RGS6: variants seen among roughly 807,000 people sequenced by gnomAD.
RGS6 encodes the protein regulator of G protein signaling 6, also known as regulator of G-protein signaling 6.
A neutral mutation model predicts 78.5 loss-of-function variants in RGS6; 30 were observed. The ratio of observed to expected loss-of-function variants is 0.38; its 90% CI spans 0.29 to 0.52. The LOEUF is 0.52. Among genes scored for constraint, RGS6 ranks in the 20% least tolerant of loss-of-function variants. RGS6 has a pLI of 0.85. For missense variants in RGS6, 495 were observed against 609.7 expected, an observed-to-expected ratio of 0.81 and a Z score of 1.98; for synonymous variants, 206 against 206.0, an observed-to-expected ratio of 1.00 and a Z score of 0.00.
chr14:72,228,254 G>A (rs879330818), intron 2 of RGS6, among the ~76,000 whole-genome samples: 15 of 151,936 alleles, frequency 9.9e-5, no homozygotes, highest in Non-Finnish European at 1.9e-4. Flanking sequence ...TGTGGCGGGC[G>A]CCTGTAGTCC....
intron 15 of RGS6, among the ~76,000 whole-genome samples, chr14:72,532,779 AC>A (rs1460997317): frequency 2.0e-5 from 3 of 152,262 alleles, no homozygotes; most frequent in Non-Finnish European, 4.4e-5. Flanking sequence ...GCAAGGACCT[AC>A]CTTGCTTCAA....
chr14:71,900,103 T>G, the RGS6 span, among the ~76,000 whole-genome samples: 1 of 152,220 alleles, frequency 6.6e-6, no homozygotes, highest in Non-Finnish European at 1.5e-5. Context: ...GTTTGCTGCC[T>G]CTGCTTACAC....
chr14:72,207,574 C>A (rs1410935840), intron 2 of RGS6, among the ~76,000 whole-genome samples: 1 of 152,200 alleles, frequency 6.6e-6, no homozygotes, highest in African/African-American at 2.4e-5. Context: ...CCCTCACTTT[C>A]CAGTTCATGT....
At chr14:72,539,311 G>A (rs2097290528) in intron 16 of RGS6, among the ~76,000 whole-genome samples, 2 of 152,122 alleles carry the variant, frequency 1.3e-5, no homozygotes, top group African/African-American at 4.8e-5. Flanking sequence ...CTTGGCAGGT[G>A]TTATGTCACC....
intron 1 of RGS6, among the ~76,000 whole-genome samples, chr14:71,956,386 A>C (rs907165130): frequency 5.3e-5 from 8 of 151,410 alleles, no homozygotes; most frequent in Middle Eastern, 3.2e-3. Context: ...ATACAATAGT[A>C]TATATATAAC....
At chr14:72,014,484 G>T (rs193226756) in intron 2 of RGS6, among the ~76,000 whole-genome samples, 28 of 152,352 alleles carry the variant, frequency 1.8e-4, no homozygotes, top group Non-Finnish European at 3.2e-4. Flanking sequence ...TTTGGAAAGA[G>T]TGAAGAGTCA....
At chr14:72,580,176 A>G in the RGS6 span, among the ~76,000 whole-genome samples, 2 of 152,086 alleles carry the variant, frequency 1.3e-5, no homozygotes, top group South Asian at 4.1e-4. Flanking sequence ...GACAGACGCA[A>G]ATTCCTCTCT....
chr14:72,391,520 A>T (rs2089984417), intron 3 of RGS6, among the ~76,000 whole-genome samples: 1 of 152,206 alleles, frequency 6.6e-6, no homozygotes, highest in South Asian at 2.1e-4. Context: ...TCCAAGCCTT[A>T]AATTCCTTTA....
chr14:72,430,872 TG>T (rs1215100849), intron 3 of RGS6, among the ~76,000 whole-genome samples: 1 of 152,198 alleles, frequency 6.6e-6, no homozygotes, highest in Non-Finnish European at 1.5e-5. Context: ...AGCTGGTGTC[TG>T]TGGTCTGCAG....
At chr14:72,382,981 G>A (rs2086596219) in intron 3 of RGS6, among the ~76,000 whole-genome samples, 5 of 151,734 alleles carry the variant, frequency 3.3e-5, no homozygotes, top group Admixed American at 2.6e-4. Context: ...TAGGTGTGGA[G>A]GTACTCGGTA....
intron 17 of RGS6, chr14:72,550,686 G>A: frequency 6.9e-7 from 1 of 1,454,794 alleles, no homozygotes; most frequent in Non-Finnish European, 9.1e-7. Flanking sequence ...ACTAGCCTTT[G>A]TGAGTCATCA....
intron 2 of RGS6, among the ~76,000 whole-genome samples, chr14:72,052,929 CTTTCTT>C: frequency 4.2e-5 from 1 of 23,748 alleles, no homozygotes; most frequent in South Asian, 2.2e-3. Flanking sequence ...TTGTATTTTT[CTTTCTT>C]TCTTTCTTTC....
intron 2 of RGS6, among the ~76,000 whole-genome samples, chr14:72,278,196 T>A (rs902688095): frequency 6.6e-6 from 1 of 152,234 alleles, no homozygotes; most frequent in Non-Finnish European, 1.5e-5. Context: ...ACATGTATTA[T>A]GAATCTCTGA....
At chr14:72,559,692 C>G (rs193106588) in intron 17 of RGS6, among the ~76,000 whole-genome samples, 1 of 152,312 alleles carries the variant, frequency 6.6e-6, no homozygotes, top group East Asian at 1.9e-4. Flanking sequence ...CTGCACCATC[C>G]TACCCTGAAA....
intron 3 of RGS6, among the ~76,000 whole-genome samples, chr14:72,363,073 G>C (rs1312616536): frequency 6.6e-6 from 1 of 152,194 alleles, no homozygotes; most frequent in Non-Finnish European, 1.5e-5. Context: ...TGGCAGAACA[G>C]CCACAGGAAT....
At chr14:72,041,792 G>T (rs888705339) in intron 2 of RGS6, among the ~76,000 whole-genome samples, 6 of 152,108 alleles carry the variant, frequency 3.9e-5, no homozygotes, top group African/African-American at 7.2e-5. Flanking sequence ...GTAAGTCTGT[G>T]GGGGGTGGGC....
intron 12 of RGS6, among the ~76,000 whole-genome samples, chr14:72,484,546 G>A (rs1015642234): frequency 7.2e-5 from 11 of 151,978 alleles, no homozygotes; most frequent in African/African-American, 2.7e-4. Context: ...TTGGTGGGGG[G>A]CGGTCACATC....
At chr14:72,065,362 C>T (rs2094093713) in intron 2 of RGS6, among the ~76,000 whole-genome samples, 1 of 152,194 alleles carries the variant, frequency 6.6e-6, no homozygotes, top group Non-Finnish European at 1.5e-5. Flanking sequence ...TATCCCAAAA[C>T]TATAGGCAAC....
intron 2 of RGS6, among the ~76,000 whole-genome samples, chr14:72,147,233 T>A (rs1388273749): frequency 6.6e-6 from 1 of 152,250 alleles, no homozygotes; most frequent in Non-Finnish European, 1.5e-5. Context: ...AGCCTCTACC[T>A]ATTACTAAAT....
Sources: allele counts gnomAD v4.1 joint callset (sites outside exome capture counted in the v4.1 genomes callset), GRCh38; gene constraint gnomAD v4.1.1; transcripts MANE v1.5; gene names NCBI Gene and HGNC (gene_info 2026-07-23, HGNC 2026-07-21).